The following CACNG2 variants were observed in gnomAD, a reference collection of about 807,000 sequenced individuals.
CACNG2 encodes the protein voltage-dependent calcium channel gamma-2 subunit.
In CACNG2, 3 loss-of-function variants were observed where a neutral mutation model predicts 25.9. The observed-to-expected ratio is 0.12, with a 90% CI of 0.05 to 0.30. CACNG2 has a LOEUF of 0.30. Among genes scored for constraint, CACNG2 ranks in the 10% least tolerant of loss-of-function variants. The pLI is 1.00. For synonymous variants in CACNG2, 167 were observed against 173.3 expected (o/e 0.96, Z 0.29); for missense variants, 341 against 432.5 (o/e 0.79, Z 1.88).
chr22:36,697,635 C>T (rs536719975), intron 1 of CACNG2, among the ~76,000 whole-genome samples: 23 of 152,242 alleles, frequency 1.5e-4, no homozygotes, highest in South Asian at 4.1e-4. Context: ...GTAGAGGAGC[C>T]GGGTTTGGCT....
rs144185183 is a variant in CACNG2, at chr22:36,636,292, C to T, written c.212-48744G>A. On this transcript the variant is annotated intron_variant, in intron 1 of 3. Coordinates refer to ENST00000300105, the MANE Select transcript of CACNG2 (RefSeq NM_006078.5). ...CTGCTCAGAATGCACTTTACAAGCC[C>T]GTTCCTTCCCCAACCCCCAAATGCG... 5.3e-3 allele frequency among the ~76,000 whole-genome samples: 801 copies of T among 152,236 alleles called. 2 individuals carry two copies. Among genetic ancestry groups the T allele is most frequent in the Non-Finnish European group, 7.9e-3 (539 of 68,010 alleles).
intron 1 of CACNG2, among the ~76,000 whole-genome samples, chr22:36,683,626 C>T (rs1937156826): frequency 6.6e-6 from 1 of 152,150 alleles, no homozygotes; most frequent in Non-Finnish European, 1.5e-5. Flanking sequence ...CAGCTTCTTC[C>T]AAGAAAACAC....
chr22:36,631,173 C>T (rs1936264261), intron 1 of CACNG2, among the ~76,000 whole-genome samples: 2 of 152,082 alleles, frequency 1.3e-5, no homozygotes, highest in South Asian at 2.1e-4. Context: ...TGCAGCAACT[C>T]GGTACACGTG....
chr22:36,677,779 A>G (rs1409146572), intron 1 of CACNG2, among the ~76,000 whole-genome samples: 1 of 152,176 alleles, frequency 6.6e-6, no homozygotes, highest in Non-Finnish European at 1.5e-5. Flanking sequence ...GGTTTAATAT[A>G]TTTCTCCATA....
chr22:36,635,209 G>A (rs550274500), intron 1 of CACNG2, among the ~76,000 whole-genome samples: 28 of 151,736 alleles, frequency 1.8e-4, no homozygotes, highest in Admixed American at 9.8e-4. Context: ...GTGTGAACCC[G>A]GGAGGCGGAG....
chr22:36,652,835 A>C (rs1936640696), intron 1 of CACNG2, among the ~76,000 whole-genome samples: 1 of 152,108 alleles, frequency 6.6e-6, no homozygotes, highest in Non-Finnish European at 1.5e-5. Flanking sequence ...CCACTGCTCT[A>C]GTTACTTTTC....
chr22:36,598,664 G>GAACAAAC (rs1368737189), intron 1 of CACNG2, among the ~76,000 whole-genome samples: 1 of 150,126 alleles, frequency 6.7e-6, no homozygotes, highest in Non-Finnish European at 1.5e-5. Context: ...ACAAACAAAC[G>GAACAAAC]AACAAACAAA....
At chr22:36,604,215 G>A (rs1387618149) in intron 1 of CACNG2, among the ~76,000 whole-genome samples, 2 of 152,214 alleles carry the variant, frequency 1.3e-5, no homozygotes, top group Non-Finnish European at 2.9e-5. Flanking sequence ...AGAATTAGAA[G>A]TGAAGCCTGA....
At chr22:36,651,577 G>T (rs1312847204) in intron 1 of CACNG2, among the ~76,000 whole-genome samples, 2 of 151,982 alleles carry the variant, frequency 1.3e-5, no homozygotes, top group East Asian at 3.9e-4. Flanking sequence ...TTTTGAACTG[G>T]GCCCTGCAAA....
intron 1 of CACNG2, among the ~76,000 whole-genome samples, chr22:36,631,042 GCTGTTCTCGAA>G: frequency 6.6e-6 from 1 of 152,248 alleles, no homozygotes; most frequent in Admixed American, 6.5e-5. Context: ...TGTTGGCCAG[GCTGTTCTCGAA>G]CTCCTGACCT....
chr22:36,670,813 C>T (rs186883496), intron 1 of CACNG2, among the ~76,000 whole-genome samples: 79 of 151,948 alleles, frequency 5.2e-4, no homozygotes, highest in African/African-American at 1.8e-3. Context: ...TTAAATTAGC[C>T]TCATCATACC....
intron 1 of CACNG2, among the ~76,000 whole-genome samples, chr22:36,666,721 A>C (rs1331099190): frequency 1.3e-5 from 2 of 150,430 alleles, no homozygotes; most frequent in East Asian, 3.9e-4. Flanking sequence ...AAAAAAAATA[A>C]AACCAACAAA....
chr22:36,679,136 C>CCCTTCCTTCCTTCCTTCCTTCCTT (rs575397901), intron 1 of CACNG2, among the ~76,000 whole-genome samples: 1 of 128,364 alleles, frequency 7.8e-6, no homozygotes, highest in Non-Finnish European at 1.6e-5. Context: ...TGGATTTTCT[C>CCCTTCCTTCCTTCCTTCCTTCCTT]CCTTCCTTCC....
chr22:36,620,479 C>T (rs539385241), intron 1 of CACNG2, among the ~76,000 whole-genome samples: 35 of 152,180 alleles, frequency 2.3e-4, no homozygotes, highest in Admixed American at 5.9e-4. Flanking sequence ...ACAATCACCA[C>T]GTAGAAAATC....
chr22:36,612,205 C>T (rs1399362894), intron 1 of CACNG2, among the ~76,000 whole-genome samples: 3 of 152,190 alleles, frequency 2.0e-5, no homozygotes, highest in Non-Finnish European at 4.4e-5. Context: ...TCGGGTAAGA[C>T]ATGTCACCTC....
intron 2 of CACNG2, among the ~76,000 whole-genome samples, chr22:36,574,574 A>C (rs949069030): frequency 2.2e-4 from 34 of 152,176 alleles, no homozygotes; most frequent in African/African-American, 8.0e-4. Context: ...TGAGGTCAGG[A>C]GTTCGAAACC....
chr22:36,667,631 A>G (rs1337469444), intron 1 of CACNG2, among the ~76,000 whole-genome samples: 3 of 152,214 alleles, frequency 2.0e-5, no homozygotes, highest in African/African-American at 7.2e-5. Context: ...CCCACGGGGA[A>G]CTTTGAAAGG....
intron 1 of CACNG2, among the ~76,000 whole-genome samples, chr22:36,685,047 C>T (rs899346489): frequency 1.3e-5 from 2 of 152,332 alleles, no homozygotes; most frequent in South Asian, 2.1e-4. Context: ...TTAGCCTGGG[C>T]TCCAGCCACA....
chr22:36,692,768 A>G (rs1406054983), intron 1 of CACNG2, among the ~76,000 whole-genome samples: 1 of 152,240 alleles, frequency 6.6e-6, no homozygotes, highest in African/African-American at 2.4e-5. Context: ...CAAGGCAGAC[A>G]TGGTCCCTGC....
Sources: gnomAD v4.1 joint callset for allele counts (sites outside exome capture counted in the v4.1 genomes callset) on GRCh38, gnomAD v4.1.1 for gene constraint, MANE v1.5 for transcripts, NCBI Gene and HGNC (gene_info 2026-07-23, HGNC 2026-07-21) for gene names.